Variants in LUZP2 observed in about 807,000 individuals in gnomAD.
The protein encoded by LUZP2 is leucine zipper protein 2.
A neutral mutation model predicts 51.6 loss-of-function variants in LUZP2; 52 were observed. That is an observed-to-expected ratio of 1.01 (90% CI 0.81 to 1.27). The LOEUF is 1.27. Ranked by LOEUF, LUZP2 falls within the 50% of genes most tolerant of loss-of-function variation. The pLI, the probability that LUZP2 is intolerant of heterozygous loss-of-function variation, is 0.00. For missense variants in LUZP2, 436 were observed against 395.4 expected, an observed-to-expected ratio of 1.10 and a Z score of -0.87; for synonymous variants, 154 against 137.3, an observed-to-expected ratio of 1.12 and a Z score of -0.85.
Position 24,729,296 on chromosome 11 carries a change from G to C in LUZP2, c.180+10G>C, listed in dbSNP as rs7128434. 3 of 1,437,804 alleles carry C rather than the reference G, an allele frequency of 2.1e-6. No individual in the cohort carries two copies. Among genetic ancestry groups the C allele is most frequent in the Non-Finnish European group, 2.8e-6 (3 of 1,053,578 alleles). 89.1% of individuals were successfully genotyped at this position (1,437,804 alleles called of 1,614,324 possible). A position where few individuals can be genotyped will look rare whatever the true frequency, so the allele number is the denominator to read the frequency against. ...TAAAGTCAATCTTCAGGTGAGATGA[G>C]AACTCATTTTCCGAGCAGTAAAAGA... On this transcript the variant is annotated intron_variant, in intron 2 of 11. Coordinates refer to ENST00000336930, the MANE Select transcript of LUZP2 (RefSeq NM_001009909.4).
chr11:24,760,262 T>C (rs1859933336), intron 4 of LUZP2, among the ~76,000 whole-genome samples: 1 of 152,128 alleles, frequency 6.6e-6, no homozygotes, highest in African/African-American at 2.4e-5. Context: ...TCAGAGCAAA[T>C]AGATTATCTT....
Position 24,755,171 on chromosome 11 carries a change from A to T in LUZP2, c.334-8075A>T, listed in dbSNP as rs182544872. ...AAAAACAGAAAAAAAAAACACACAC[A>T]CACATTAGTCGCAAATTATTTACTT... On this transcript the variant is annotated intron_variant, in intron 4 of 11. Coordinates refer to ENST00000336930, the MANE Select transcript of LUZP2 (RefSeq NM_001009909.4). Among the ~76,000 whole-genome samples the T allele has an allele frequency of 2.0e-3, 299 of 152,094 alleles. 1 individual carries two copies. The highest frequency in any genetic ancestry group is 3.6e-3 in the Non-Finnish European group (242 of 67,970).
rs148335240 is a variant in LUZP2 at position 24,974,212 on chromosome 11, T to C, written c.523-2379T>C. Among the ~76,000 whole-genome samples, 129 of 152,278 alleles carry C rather than the reference T, an allele frequency of 8.5e-4. 1 individual carries two copies. In the East Asian group the frequency reaches 0.021, roughly 25 times the overall value. ...ATGCCCTTCTTTATCTTTTTTGGTC[T>C]TTGTTGGTTTAATGTCTGTTTTGTC... On this transcript the variant is annotated intron_variant, in intron 7 of 11. Coordinates refer to ENST00000336930, the MANE Select transcript of LUZP2 (RefSeq NM_001009909.4).
chr11:24,848,331 A>T (rs1481143874), intron 5 of LUZP2, among the ~76,000 whole-genome samples: 1 of 152,098 alleles, frequency 6.6e-6, no homozygotes, highest in African/African-American at 2.4e-5. Context: ...TTAACAGTAA[A>T]AATTTTATCT....
At chr11:24,860,866 AT>A (rs1311129836) in intron 5 of LUZP2, among the ~76,000 whole-genome samples, 1 of 152,222 alleles carries the variant, frequency 6.6e-6, no homozygotes, top group Non-Finnish European at 1.5e-5. Flanking sequence ...AATTTAAAAA[AT>A]GCTGAAAACC....
At chr11:24,961,883 T>G (rs1048140515) in intron 7 of LUZP2, among the ~76,000 whole-genome samples, 12 of 151,896 alleles carry the variant, frequency 7.9e-5, no homozygotes, top group African/African-American at 2.9e-4. Context: ...CAGTGGCTGG[T>G]ACCGGTTGTT....
At chr11:24,917,304 G>C (rs1017976300) in intron 7 of LUZP2, among the ~76,000 whole-genome samples, 1 of 152,104 alleles carries the variant, frequency 6.6e-6, no homozygotes, top group Non-Finnish European at 1.5e-5. Flanking sequence ...TTTGATGGTA[G>C]TTTATTTTTG....
At chr11:24,686,915 A>T (rs1856911852) in intron 1 of LUZP2, among the ~76,000 whole-genome samples, 1 of 152,140 alleles carries the variant, frequency 6.6e-6, no homozygotes, top group Non-Finnish European at 1.5e-5. Context: ...GAAACTTTCC[A>T]GCATAATTTT....
In LUZP2 at chr11:24,909,344, G is replaced by A. The variant is rs186002548; in HGVS notation, c.459+3291G>A. On this transcript the variant is annotated intron_variant, in intron 6 of 11. Transcript: ENST00000336930. ...TGCACTTTAATTATGTTTTAAAAAT[G>A]AACACCTCAAATTGTTAAAAGGCAA... Among the ~76,000 whole-genome samples the A allele has an allele frequency of 7.0e-3, 1,062 of 151,926 alleles. 4 individuals carry two copies. The highest frequency in any genetic ancestry group is 0.011 in the Non-Finnish European group (747 of 67,968).
At chr11:25,006,035 A>T (rs945715313) in intron 9 of LUZP2, among the ~76,000 whole-genome samples, 2 of 152,160 alleles carry the variant, frequency 1.3e-5, no homozygotes, top group Non-Finnish European at 2.9e-5. Context: ...TAGGAAGGAT[A>T]CAATTTCTGA....
At chr11:24,914,181 C>G (rs539330835) in intron 6 of LUZP2, among the ~76,000 whole-genome samples, 1 of 152,118 alleles carries the variant, frequency 6.6e-6, no homozygotes, top group African/African-American at 2.4e-5. Context: ...AGATTGTTGG[C>G]CATGCCTGGG....
At chr11:24,557,536 C>A (rs558402476) in intron 1 of LUZP2, among the ~76,000 whole-genome samples, 276 of 152,090 alleles carry the variant, frequency 1.8e-3, no homozygotes, top group African/African-American at 6.4e-3. Flanking sequence ...TTAAGTAATG[C>A]AAATGCAAGG....
rs891281575 is a variant in LUZP2, at chr11:25,016,846, G to A, written c.766-33192G>A. 3.3e-5 allele frequency among the ~76,000 whole-genome samples: 5 copies of A among 151,928 alleles called. No homozygotes were observed. The South Asian group carries it at 8.3e-4, about 25-fold the overall frequency. On this transcript the variant is annotated intron_variant, in intron 9 of 11. Transcript: ENST00000336930. Reference sequence around the variant, plus strand: ...TCTACTTTTAGTTTTTTGAGAAATCGTCACACGTTTTTCATAGAGGTTATA... The same window carrying A: ...TCTACTTTTAGTTTTTTGAGAAATCATCACACGTTTTTCATAGAGGTTATA...
At chr11:24,791,947 T>C (rs960558370) in intron 5 of LUZP2, among the ~76,000 whole-genome samples, 74 of 121,154 alleles carry the variant, frequency 6.1e-4, no homozygotes, top group Middle Eastern at 4.0e-3. Flanking sequence ...GCCCTTTTCT[T>C]AGTGAGAGTC....
chr11:24,833,840 T>C (rs1056888182), intron 5 of LUZP2, among the ~76,000 whole-genome samples: 3 of 152,120 alleles, frequency 2.0e-5, no homozygotes, highest in Non-Finnish European at 4.4e-5. Flanking sequence ...TAAGTATAAA[T>C]TGACCCAGCT....
intron 5 of LUZP2, among the ~76,000 whole-genome samples, chr11:24,763,759 C>T (rs891556468): frequency 1.3e-5 from 2 of 152,060 alleles, no homozygotes; most frequent in South Asian, 2.1e-4. Flanking sequence ...CCATGATAGC[C>T]TTTAAAATGT....
chr11:24,626,465 A>G (rs552650043), intron 1 of LUZP2, among the ~76,000 whole-genome samples: 20 of 152,228 alleles, frequency 1.3e-4, no homozygotes, highest in African/African-American at 4.8e-4. Flanking sequence ...TCACAATTAC[A>G]TTTTCCTCCT....
In LUZP2 at chr11:24,983,123, TAGGAGTCA is replaced by T; in HGVS notation, c.598-2_603del. The T allele has an allele frequency of 6.2e-7, 1 of 1,610,244 alleles. No individual in the cohort carries two copies. Among genetic ancestry groups the T allele is most frequent in the African/African-American group, 1.3e-5 (1 of 74,704 alleles). ...AAATATGTTAATGCCTCTTTTTTTG[TAGGAGTCA>T]CAGATGAAAGCAATGAAAGAGACTG... On this transcript the variant is annotated splice_acceptor_variant and coding_sequence_variant, in exon 9 of 12. Coordinates refer to ENST00000336930, the MANE Select transcript of LUZP2 (RefSeq NM_001009909.4). LOFTEE classifies it high-confidence loss of function.
intron 1 of LUZP2, among the ~76,000 whole-genome samples, chr11:24,569,435 G>A (rs570559160): frequency 3.3e-4 from 50 of 152,052 alleles, no homozygotes; most frequent in African/African-American, 1.2e-3. Context: ...CTATTCAGTA[G>A]GTCTAGGAAG....
Sources: gnomAD v4.1 joint callset for allele counts (sites outside exome capture counted in the v4.1 genomes callset) on GRCh38, gnomAD v4.1.1 for gene constraint, MANE v1.5 for transcripts, NCBI Gene and HGNC (gene_info 2026-07-23, HGNC 2026-07-21) for gene names.